Variants in ZNF587 observed in about 807,000 individuals in gnomAD.
The protein encoded by ZNF587 is zinc finger protein 587, also known as zinc finger protein zfp6.
In ZNF587, 8 loss-of-function variants were observed where a neutral mutation model predicts 7.5. That is an observed-to-expected ratio of 1.06 (90% CI 0.62 to 1.92). The LOEUF (loss-of-function observed/expected upper bound fraction) is 1.92. ZNF587 is among the 40% of genes most tolerant of loss of function. ZNF587 has a pLI of 0.00. For synonymous variants in ZNF587, 145 were observed against 237.8 expected, an observed-to-expected ratio of 0.61 and a Z score of 3.59; for missense variants, 468 against 692.8, an observed-to-expected ratio of 0.68 and a Z score of 3.64.
At chr19:57,850,968 A>G (rs2071273908) in intron 1 of ZNF587, 1 of 157,214 alleles carries the variant, frequency 6.4e-6, no homozygotes, top group Non-Finnish European at 1.4e-5. Context: ...AGGAGCCAAG[A>G]TGTTTGATTA....
rs1409290100 is a variant in ZNF587 at position 57,862,656 on chromosome 19, TTTGGC to T, written c.*2517_*2521del. On this transcript the variant is annotated 3_prime_UTR_variant, in exon 3 of 3. Coordinates refer to ENST00000339656, the MANE Select transcript of ZNF587 (RefSeq NM_032828.4). ...TGAATGTCGACACTGCAGCCACAGT[TTTGGC>T]CGTAAATGTGAATTTGGCAAGTAAC... The T allele has an allele frequency of 1.9e-5, 3 of 154,944 alleles. No individual in the cohort carries two copies. Among genetic ancestry groups the T allele is most frequent in the Non-Finnish European group, 4.4e-5 (3 of 68,264 alleles). 9.6% of individuals were successfully genotyped at this position (154,944 alleles called of 1,614,324 possible). A position where few individuals can be genotyped will look rare whatever the true frequency, so the allele number is the denominator to read the frequency against.
rs2071409139 is a variant in ZNF587, at chr19:57,859,550, T to A, written c.1138T>A (p.Tyr380Asn). The A allele has an allele frequency of 1.9e-6, 3 of 1,613,836 alleles. No homozygotes were observed. The Admixed American group carries it at 5.0e-5, about 27-fold the overall frequency. ...HQRVHTGERP[Y>N]KCGECGKSFG... ...GCGTGTTCACACTGGAGAAAGGCCT[T>A]ACAAGTGTGGAGAATGTGGGAAATC... Residue 380 changes from tyrosine to asparagine, a missense_variant, in exon 3 of 3, where the codon TAC becomes AAC. Around this residue, in one of 5 missense-constraint regions of ZNF587, gnomAD observed 310 missense variants for 325.6 expected, o/e 0.95. Coordinates refer to ENST00000339656, the MANE Select transcript of ZNF587 (RefSeq NM_032828.4).
chr19:57,850,736 G>C (rs2071271081), intron 1 of ZNF587: 1 of 396,004 alleles, frequency 2.5e-6, no homozygotes, highest in Non-Finnish European at 4.4e-6. Flanking sequence ...CAGAGCTCTT[G>C]GGCTCCACCC....
intron 2 of ZNF587, among the ~76,000 whole-genome samples, chr19:57,857,901 G>T (rs2071383396): frequency 6.6e-6 from 1 of 151,878 alleles, no homozygotes; most frequent in South Asian, 2.1e-4. Context: ...CTTGCAAAGT[G>T]CTGGGATTAC....
chr19:57,857,926 G>A (rs549198499), intron 2 of ZNF587, among the ~76,000 whole-genome samples: 80 of 150,706 alleles, frequency 5.3e-4, no homozygotes, highest in African/African-American at 1.5e-3. Flanking sequence ...GTGAGCCACC[G>A]TGCCCGGCCC....
At chr19:57,858,327 A>C (rs2071391547) in intron 2 of ZNF587, 1 of 601,536 alleles carries the variant, frequency 1.7e-6, no homozygotes, top group Non-Finnish European at 2.7e-6. Context: ...GGGTTTCACC[A>C]TGTTGTTCAT....
At position 57,849,974 on chromosome 19, in the gene ZNF587, G is replaced by T; in HGVS notation, c.-65G>T. ...GGAGAGGAATCGTCCTCGGTGCCCAGAGGCGGCTCTGCAGCCCCGTGACGG... is the reference window on the plus strand; with the variant it reads ...GGAGAGGAATCGTCCTCGGTGCCCATAGGCGGCTCTGCAGCCCCGTGACGG... On this transcript the variant is annotated 5_prime_UTR_variant, in exon 1 of 3. Transcript: ENST00000339656. The T allele has an allele frequency of 3.1e-6, 5 of 1,613,714 alleles. No homozygotes were observed. The highest frequency in any genetic ancestry group is 4.2e-6 in the Non-Finnish European group (5 of 1,179,924).
At chr19:57,852,287 G>A (rs1417204348) in intron 1 of ZNF587, 1 of 398,442 alleles carries the variant, frequency 2.5e-6, no homozygotes, top group African/African-American at 2.1e-5. Context: ...TTGCTACCAG[G>A]TTGTGAAATG....
At chr19:57,853,204 C>T (rs2071305058) in intron 1 of ZNF587, among the ~76,000 whole-genome samples, 1 of 152,320 alleles carries the variant, frequency 6.6e-6, no homozygotes, top group East Asian at 1.9e-4. Context: ...AGGAATCGGG[C>T]ATGAGCCCAA....
chr19:57,857,715 A>C (rs1195336224), intron 2 of ZNF587, among the ~76,000 whole-genome samples: 3 of 151,570 alleles, frequency 2.0e-5, no homozygotes, highest in Admixed American at 1.3e-4. Context: ...GCTCAGTGTA[A>C]CCTCTGCCTC....
rs193260276 is a variant in ZNF587, at chr19:57,862,922, C to T, written c.*2782C>T. 231 of 155,104 alleles carry T rather than the reference C, an allele frequency of 1.5e-3. 1 individual carries two copies. Among genetic ancestry groups the T allele is most frequent in the African/African-American group, 5.3e-3 (221 of 41,646 alleles). 9.6% of individuals were successfully genotyped at this position (155,104 alleles called of 1,614,324 possible). Reference sequence around the variant, plus strand: ...AGCTTTATATTTGTGAAGTGAAGAACATGAAGACAGTTTCAAGCAAAGTTA... The same window carrying T: ...AGCTTTATATTTGTGAAGTGAAGAATATGAAGACAGTTTCAAGCAAAGTTA... On this transcript the variant is annotated 3_prime_UTR_variant, in exon 3 of 3. Transcript: ENST00000339656.
chr19:57,850,697 G>GC, intron 1 of ZNF587: 3 of 397,240 alleles, frequency 7.6e-6, no homozygotes, highest in Non-Finnish European at 1.3e-5. Context: ...GGTCCAGGTG[G>GC]CCAGAGCATT....
At position 57,864,332 on chromosome 19, in the gene ZNF587, C is replaced by T. The variant is rs2071478445; in HGVS notation, c.*4192C>T. ...TATTTTTAGTAGAGATGGGCTTTCA[C>T]TACGTTAGCCAGGCTGGTCTCAAAC... On this transcript the variant is annotated 3_prime_UTR_variant, in exon 3 of 3. Transcript: ENST00000339656. 1 of 151,684 alleles carries T rather than the reference C, an allele frequency of 6.6e-6. No individual in the cohort carries two copies. The allele number at this position is 151,684 out of a possible 1,614,324, so 9.4% of individuals were successfully genotyped here.
intron 2 of ZNF587, 84 bp from the exon 3 acceptor site, chr19:57,858,492 T>C: frequency 6.6e-7 from 1 of 1,525,098 alleles, no homozygotes. Flanking sequence ...GATTAATTCC[T>C]CAATTTGTGA....
At chr19:57,850,334 G>C in intron 1 of ZNF587, 3 of 632,822 alleles carry the variant, frequency 4.7e-6, no homozygotes, top group Non-Finnish European at 8.2e-6. Flanking sequence ...GGAGACAGGA[G>C]TTTTATTATT....
intron 1 of ZNF587, chr19:57,850,417 AG>A: frequency 1.8e-6 from 1 of 557,930 alleles, no homozygotes; most frequent in Non-Finnish European, 3.2e-6. Flanking sequence ...GGAAGTGGGG[AG>A]TGCTGATCAG....
rs916041096 is a variant in ZNF587 at position 57,860,982 on chromosome 19, C to G, written c.*842C>G. On this transcript the variant is annotated 3_prime_UTR_variant, in exon 3 of 3. Coordinates refer to ENST00000339656, the MANE Select transcript of ZNF587 (RefSeq NM_032828.4). ...AACTGATTCTTCTGCCTCAGCCTCC[C>G]GAGTAGCAGGGATTACCGGTGTGCA... The G allele has an allele frequency of 6.6e-6, 1 of 151,994 alleles. No individual in the cohort carries two copies. Among genetic ancestry groups the G allele is most frequent in the East Asian group, 1.9e-4 (1 of 5,162 alleles). The allele number at this position is 151,994 out of a possible 1,614,324, so 9.4% of individuals were successfully genotyped here. A position where few individuals can be genotyped will look rare whatever the true frequency, so the allele number is the denominator to read the frequency against.
At chr19:57,853,680 A>G (rs1372829579) in intron 1 of ZNF587, 2 of 152,018 alleles carry the variant, frequency 1.3e-5, no homozygotes, top group East Asian at 1.9e-4. Flanking sequence ...GAAGAGATAG[A>G]TGCATGCAGA....
intron 2 of ZNF587, chr19:57,856,882 T>G (rs1046257774): frequency 6.6e-6 from 1 of 152,136 alleles, no homozygotes; most frequent in African/African-American, 2.4e-5. Context: ...TAACACTTCC[T>G]TCCTCTATCT....
Sources: allele counts gnomAD v4.1 joint callset (sites outside exome capture counted in the v4.1 genomes callset), GRCh38; gene constraint gnomAD v4.1.1; regional missense constraint gnomAD v4.1.1; transcripts MANE v1.5; gene names NCBI Gene and HGNC (gene_info 2026-07-23, HGNC 2026-07-21).